TENM1: variants seen among roughly 807,000 people sequenced by gnomAD.
TENM1 encodes the protein teneurin-1.
A neutral mutation model predicts 174.8 loss-of-function variants in TENM1; 35 were observed. That is an observed-to-expected ratio of 0.20 (90% CI 0.15 to 0.27). The LOEUF is 0.27. Ranked by LOEUF, TENM1 falls within the 10% of genes least tolerant of loss-of-function variation. TENM1 has a pLI of 1.00. For synonymous variants in TENM1, 781 were observed against 798.7 expected, an observed-to-expected ratio of 0.98 and a Z score of 0.37; for missense variants, 1,633 against 2,130.1, an observed-to-expected ratio of 0.77 and a Z score of 4.59.
At chrX:125,065,358 C>G in the TENM1 span, among the ~76,000 whole-genome samples, 1 of 112,069 alleles carries the variant, frequency 8.9e-6, no homozygotes, top group Non-Finnish European at 1.9e-5. Flanking sequence ...CAGAGCAATG[C>G]TCCTGCTCAT....
At chrX:124,552,183 G>C (rs903724731) in intron 14 of TENM1, among the ~76,000 whole-genome samples, 4 of 111,983 alleles carry the variant, frequency 3.6e-5, no homozygotes, top group Admixed American at 9.5e-5. Flanking sequence ...CAAATTAATA[G>C]TGAAAATAAA....
intron 1 of TENM1, among the ~76,000 whole-genome samples, chrX:124,914,335 C>T (rs920410647): frequency 1.8e-5 from 2 of 110,978 alleles, no homozygotes; most frequent in Non-Finnish European, 3.8e-5. Flanking sequence ...GCAATAAACA[C>T]TAGGAGAGGG....
intron 3 of TENM1, among the ~76,000 whole-genome samples, chrX:124,773,239 C>G (rs2054701243): frequency 9.0e-6 from 1 of 110,936 alleles, no homozygotes; most frequent in Non-Finnish European, 1.9e-5. Context: ...TCTCTGAAAC[C>G]AGATGTATCA....
intron 18 of TENM1, among the ~76,000 whole-genome samples, chrX:124,506,413 C>G (rs895187218): frequency 9.0e-6 from 1 of 111,414 alleles, no homozygotes. Flanking sequence ...CTGAATTGCT[C>G]TCCAGTTCAC....
the TENM1 span, among the ~76,000 whole-genome samples, chrX:125,004,006 A>G: frequency 3.6e-5 from 4 of 112,015 alleles, no homozygotes; most frequent in Non-Finnish European, 7.5e-5. Context: ...AAGTTAATCA[A>G]TAATAGAATT....
chrX:124,651,651 T>C (rs60212913), intron 8 of TENM1, among the ~76,000 whole-genome samples: 12,947 of 111,156 alleles, frequency 0.12, 1,607 homozygotes, highest in African/African-American at 0.37. Flanking sequence ...GGTAATTATT[T>C]CTGTTGAGAG....
the TENM1 span, among the ~76,000 whole-genome samples, chrX:125,057,838 A>G: frequency 8.9e-6 from 1 of 111,885 alleles, no homozygotes; most frequent in African/African-American, 3.2e-5. Context: ...AGAGATATCC[A>G]ATATCCATGA....
intron 3 of TENM1, among the ~76,000 whole-genome samples, chrX:124,771,595 C>A (rs2054655361): frequency 8.9e-6 from 1 of 112,411 alleles, no homozygotes; most frequent in Admixed American, 9.4e-5. Flanking sequence ...TTAAAATGCA[C>A]TGGATGCTTT....
At chrX:124,789,131 G>T (rs1428449422) in intron 3 of TENM1, among the ~76,000 whole-genome samples, 1 of 111,988 alleles carries the variant, frequency 8.9e-6, no homozygotes, top group Middle Eastern at 4.6e-3. Flanking sequence ...AAGACTTGGG[G>T]ATTGCACCTT....
At chrX:125,065,654 C>T in the TENM1 span, among the ~76,000 whole-genome samples, 1 of 112,278 alleles carries the variant, frequency 8.9e-6, no homozygotes, top group African/African-American at 3.2e-5. Flanking sequence ...ATAAAGTATA[C>T]AACTTTTAAT....
At chrX:125,019,001 A>T in the TENM1 span, among the ~76,000 whole-genome samples, 6 of 112,081 alleles carry the variant, frequency 5.4e-5, no homozygotes, top group Admixed American at 5.7e-4. Context: ...TTTGTGTTAT[A>T]CTGAAAATGT....
chrX:124,679,796 C>T (rs1358796468), intron 5 of TENM1, among the ~76,000 whole-genome samples: 2 of 111,728 alleles, frequency 1.8e-5, no homozygotes, highest in Admixed American at 1.9e-4. Flanking sequence ...ATGGTATCTA[C>T]TATTGCCTCA....
chrX:124,485,536 C>G (rs1163969773), intron 21 of TENM1, among the ~76,000 whole-genome samples: 1 of 111,513 alleles, frequency 9.0e-6, no homozygotes, highest in Non-Finnish European at 1.9e-5. Flanking sequence ...ATTTTGATAG[C>G]CAGTTTGTGG....
At chrX:124,606,272 G>C (rs916582194) in intron 11 of TENM1, among the ~76,000 whole-genome samples, 1 of 110,829 alleles carries the variant, frequency 9.0e-6, no homozygotes, top group Non-Finnish European at 1.9e-5. Context: ...CACTGATTTG[G>C]TGTTGAGAGA....
intron 11 of TENM1, 94 bp downstream of exon 14, chrX:124,641,697 G>T: frequency 1.2e-6 from 1 of 839,988 alleles, no homozygotes; most frequent in Non-Finnish European, 1.8e-6. Context: ...ACTCACAAAG[G>T]TGTACAGATC....
chrX:124,671,869 C>T lies in TENM1; in HGVS notation c.1016-34G>A, dbSNP rs1338487258. 3.3e-6 allele frequency: 4 copies of T among 1,194,414 alleles called. No homozygotes were observed. The South Asian group carries it at 7.3e-5, about 22-fold the overall frequency. ...GAACAAGCCATACATTAATTTATTC[C>T]AGACTCACTGAGAACATCTCCAAGC... On this transcript the variant is annotated intron_variant, in intron 5 of 31. Transcript: ENST00000422452.
At chrX:124,938,499 G>T (rs1447080132) in intron 1 of TENM1, among the ~76,000 whole-genome samples, 1 of 111,859 alleles carries the variant, frequency 8.9e-6, no homozygotes, top group Non-Finnish European at 1.9e-5. Flanking sequence ...GCAATTTTAG[G>T]TTTCACAATA....
the TENM1 span, among the ~76,000 whole-genome samples, chrX:125,161,103 A>G: frequency 9.1e-6 from 1 of 109,517 alleles, no homozygotes; most frequent in African/African-American, 3.3e-5. Flanking sequence ...GGCAAACAAA[A>G]TATCTGTATC....
chrX:124,799,311 C>A (rs1223591155), intron 3 of TENM1, among the ~76,000 whole-genome samples: 1 of 111,115 alleles, frequency 9.0e-6, no homozygotes, highest in Non-Finnish European at 1.9e-5. Flanking sequence ...GATATTGATT[C>A]TTTCTATCCA....
Sources: gnomAD v4.1 joint callset for allele counts (sites outside exome capture counted in the v4.1 genomes callset) on GRCh38, gnomAD v4.1.1 for gene constraint, MANE v1.5 for transcripts, NCBI Gene and HGNC (gene_info 2026-07-23, HGNC 2026-07-21) for gene names.